DSCAM: variants seen among roughly 807,000 people sequenced by gnomAD.
DSCAM encodes the protein DS cell adhesion molecule.
A neutral mutation model predicts 217.7 loss-of-function variants in DSCAM; 47 were observed. The observed-to-expected ratio is 0.22, with a 90% CI of 0.17 to 0.28. The LOEUF (loss-of-function observed/expected upper bound fraction) is 0.28, where lower values mean the gene tolerates loss of function less well. DSCAM is among the 10% of genes least tolerant of loss of function. The pLI, the probability that DSCAM is intolerant of heterozygous loss-of-function variation, is 1.00. For missense variants in DSCAM, 2,080 were observed against 2,618.3 expected, an observed-to-expected ratio of 0.79 and a Z score of 4.49; for synonymous variants, 1,056 against 1,015.3, an observed-to-expected ratio of 1.04 and a Z score of -0.76.
chr21:40,347,579 G>A lies in DSCAM; in HGVS notation c.1210+91C>T, dbSNP rs570492154. On this transcript the variant is annotated intron_variant, in intron 6 of 32. Coordinates refer to ENST00000400454, the MANE Select transcript of DSCAM (RefSeq NM_001389.5). The stretch of plus-strand genomic sequence containing the variant: ...TGAGACAGAGAGCCTAGAACTGAGC[G>A]ATCAGCACTGCTTCACCCTGTCTTC... The A allele has an allele frequency of 3.4e-5, 52 of 1,544,592 alleles. 1 individual carries two copies. The South Asian group carries it at 4.7e-4, about 14-fold the overall frequency.
At chr21:40,465,370 T>C (rs1269403329) in intron 3 of DSCAM, among the ~76,000 whole-genome samples, 1 of 152,168 alleles carries the variant, frequency 6.6e-6, no homozygotes, top group African/African-American at 2.4e-5. Context: ...CTTAAACGTC[T>C]CCCAAAAGCT....
chr21:40,464,402 G>C (rs761230650), intron 3 of DSCAM, among the ~76,000 whole-genome samples: 1 of 152,190 alleles, frequency 6.6e-6, no homozygotes, highest in Non-Finnish European at 1.5e-5. Context: ...CAGGCTCAGA[G>C]GAAGGTAGAA....
At chr21:40,231,164 C>CCTTTGTTAT (rs2091379050) in intron 11 of DSCAM, among the ~76,000 whole-genome samples, 2 of 148,462 alleles carry the variant, frequency 1.3e-5, no homozygotes, top group African/African-American at 5.0e-5. Context: ...GGAGAGTAGA[C>CCTTTGTTAT]CTTTGTTATG....
At chr21:40,535,645 G>C (rs1046552409) in intron 3 of DSCAM, among the ~76,000 whole-genome samples, 1 of 152,182 alleles carries the variant, frequency 6.6e-6, no homozygotes, top group Non-Finnish European at 1.5e-5. Context: ...ACTGTGCTAC[G>C]TGCAGAGGAG....
intron 9 of DSCAM, among the ~76,000 whole-genome samples, chr21:40,299,876 A>G (rs2073995642): frequency 6.6e-6 from 1 of 152,060 alleles, no homozygotes; most frequent in Non-Finnish European, 1.5e-5. Flanking sequence ...CTTTTTTTCT[A>G]CAAAATGGCA....
chr21:40,231,854 T>C (rs1444014502), intron 11 of DSCAM, among the ~76,000 whole-genome samples: 1 of 152,204 alleles, frequency 6.6e-6, no homozygotes, highest in Non-Finnish European at 1.5e-5. Context: ...AAGCTCTTCA[T>C]GTGTCAGAGC....
In DSCAM at chr21:40,350,877, C is replaced by CTTTTTTTTTTT. The variant is rs10658416; in HGVS notation, c.934+2577_934+2587dup. On this transcript the variant is annotated intron_variant, in intron 5 of 32. Transcript: ENST00000400454. Reference sequence around the variant, plus strand: ...AAAAGTGTTTAGCAAATAAGTCATACTTTTTTTTTTTTTTTTTTTTTTTTT... The same window carrying CTTTTTTTTTTT: ...AAAAGTGTTTAGCAAATAAGTCATACTTTTTTTTTTTTTTTTTTTTTTTTTTTTTTTTTTTT... Among the ~76,000 whole-genome samples, 6 of 63,872 alleles carry CTTTTTTTTTTT rather than the reference C, an allele frequency of 9.4e-5. 1 individual carries two copies. Among genetic ancestry groups the CTTTTTTTTTTT allele is most frequent in the African/African-American group, 3.2e-4 (5 of 15,404 alleles). 41.9% of individuals were successfully genotyped at this position (63,872 alleles called of 152,430 possible).
At chr21:40,760,968 C>A (rs1020084380) in intron 1 of DSCAM, among the ~76,000 whole-genome samples, 2 of 152,336 alleles carry the variant, frequency 1.3e-5, no homozygotes, top group African/African-American at 4.8e-5. Flanking sequence ...TACTTATAAT[C>A]ACAACATTCC....
At chr21:40,531,133 G>C (rs2076442980) in intron 3 of DSCAM, among the ~76,000 whole-genome samples, 9 of 152,140 alleles carry the variant, frequency 5.9e-5, no homozygotes, top group Admixed American at 4.6e-4. Flanking sequence ...TCTCCTTCTT[G>C]GCGTCTCGTC....
intron 20 of DSCAM, among the ~76,000 whole-genome samples, chr21:40,118,733 A>C (rs1042587545): frequency 1.3e-5 from 2 of 152,128 alleles, no homozygotes; most frequent in Non-Finnish European, 2.9e-5. Flanking sequence ...AGGGCTAGCT[A>C]TGTGTTCCAA....
At chr21:40,198,096 C>T (rs1385512831) in intron 11 of DSCAM, among the ~76,000 whole-genome samples, 1 of 152,138 alleles carries the variant, frequency 6.6e-6, no homozygotes, top group East Asian at 1.9e-4. Flanking sequence ...AGCTGCAAGG[C>T]AAGACCCAAA....
rs891105407 is a variant in DSCAM, at chr21:40,731,735, C to A, written c.44-22964G>T. On this transcript the variant is annotated intron_variant, in intron 1 of 32. Transcript: ENST00000400454. ...TTACCTCCTTCCCACTGCACCCCCC[C>A]CCCCGCCCCCCGGGTGAGAGTCTTG... Among the ~76,000 whole-genome samples the A allele has an allele frequency of 1.7e-4, 21 of 126,238 alleles. 1 individual carries two copies. The highest frequency in any genetic ancestry group is 4.1e-4 in the African/African-American group (14 of 34,454). 82.8% of individuals were successfully genotyped at this position (126,238 alleles called of 152,430 possible).
intron 27 of DSCAM, among the ~76,000 whole-genome samples, chr21:40,070,480 A>C (rs1328255047): frequency 6.6e-6 from 1 of 152,214 alleles, no homozygotes; most frequent in Non-Finnish European, 1.5e-5. Context: ...AGAACTAAAG[A>C]GTTTCAGAGT....
intron 3 of DSCAM, among the ~76,000 whole-genome samples, chr21:40,438,699 T>C (rs2075605190): frequency 6.6e-6 from 1 of 152,188 alleles, no homozygotes; most frequent in Admixed American, 6.5e-5. Flanking sequence ...GAATGAGGAC[T>C]GATTGAGATA....
intron 1 of DSCAM, among the ~76,000 whole-genome samples, chr21:40,756,081 G>GCCACCTT (rs2091273002): frequency 6.6e-6 from 1 of 152,236 alleles, no homozygotes; most frequent in South Asian, 2.1e-4. Context: ...CAATGTTGAA[G>GCCACCTT]GTGGGGTCTG....
intron 1 of DSCAM, among the ~76,000 whole-genome samples, chr21:40,717,959 G>A (rs987298887): frequency 3.9e-5 from 6 of 152,212 alleles, no homozygotes; most frequent in African/African-American, 1.4e-4. Context: ...GCTCTGCTGG[G>A]AGTCTAGGCC....
intron 3 of DSCAM, among the ~76,000 whole-genome samples, chr21:40,657,904 T>G (rs1258346807): frequency 1.3e-5 from 2 of 152,298 alleles, no homozygotes; most frequent in East Asian, 3.9e-4. Flanking sequence ...AGTTTTGAAT[T>G]ATAAATGATA....
At chr21:40,469,291 T>C (rs114684428) in intron 3 of DSCAM, among the ~76,000 whole-genome samples, 362 of 152,216 alleles carry the variant, frequency 2.4e-3, no homozygotes, top group African/African-American at 8.2e-3. Flanking sequence ...TCAGAAATGA[T>C]GGATGGTATG....
intron 10 of DSCAM, among the ~76,000 whole-genome samples, chr21:40,293,747 C>T (rs942620748): frequency 2.0e-5 from 3 of 152,052 alleles, no homozygotes; most frequent in Non-Finnish European, 4.4e-5. Context: ...ATTGCTTGAA[C>T]CCAGGAGGCG....
Sources: allele counts gnomAD v4.1 joint callset (sites outside exome capture counted in the v4.1 genomes callset), GRCh38; gene constraint gnomAD v4.1.1; transcripts MANE v1.5; gene names NCBI Gene and HGNC (gene_info 2026-07-23, HGNC 2026-07-21).